CWC22: variants seen among roughly 807,000 people sequenced by gnomAD.
CWC22 encodes the protein pre-mRNA-splicing factor CWC22 homolog.
A neutral mutation model predicts 117.2 loss-of-function variants in CWC22; 53 were observed. The observed-to-expected ratio is 0.45, with a 90% CI of 0.36 to 0.57. The LOEUF is 0.57. Among genes scored for constraint, CWC22 ranks in the 20% least tolerant of loss-of-function variants. The probability of loss-of-function intolerance (pLI) is 0.00; values close to 1 mark genes in which losing one functional copy is unlikely to be tolerated. For missense variants in CWC22, 980 were observed against 1,068.8 expected (o/e 0.92, Z 1.16); for synonymous variants, 360 against 355.6 (o/e 1.01, Z -0.14).
chr2:179,975,920 G>A (rs72960688), intron 6 of CWC22, among the ~76,000 whole-genome samples: 2 of 152,150 alleles, frequency 1.3e-5, no homozygotes, highest in African/African-American at 2.4e-5. Flanking sequence ...AAACTCACAT[G>A]GAACCACAAA....
chr2:180,005,343 C>T (rs994467664), intron 1 of CWC22, among the ~76,000 whole-genome samples: 18 of 152,090 alleles, frequency 1.2e-4, no homozygotes, highest in African/African-American at 3.6e-4. Context: ...TTTGGGAGGC[C>T]GAGGCGGGTG....
intron 2 of CWC22, among the ~76,000 whole-genome samples, chr2:179,992,171 C>T (rs2105554180): frequency 6.6e-6 from 1 of 152,290 alleles, no homozygotes; most frequent in South Asian, 2.1e-4. Context: ...AATACAGTTC[C>T]CCCTTTACTG....
intron 19 of CWC22, among the ~76,000 whole-genome samples, chr2:179,947,653 T>C (rs1198830217): frequency 1.3e-5 from 2 of 152,222 alleles, no homozygotes. Flanking sequence ...AAATGGTGAA[T>C]GTTAAATGAA....
rs1687294967 is a variant in CWC22, at chr2:179,981,847, T to C, written c.357A>G (p.Lys119=). Residue 119 remains lysine (K), a synonymous_variant, in exon 5 of 20, where the codon AAA becomes AAG. Coordinates refer to ENST00000410053, the MANE Select transcript of CWC22 (RefSeq NM_020943.3). The part of the protein sequence containing the change: ...AQDEPATKKK[K]DELDPLLTRT... ...GAGTAAGAAGAGGATCCAGCTCATC[T>C]TTCTTTTTCTTTGTAGCAGGTTCAT... is the stretch of plus-strand genomic sequence containing the variant. 6.2e-7 allele frequency: 1 copy of C among 1,613,848 alleles called. No individual in the cohort carries two copies. The highest frequency in any genetic ancestry group is 1.3e-5 in the African/African-American group (1 of 75,056).
chr2:179,990,715 T>C (rs1265811123), intron 2 of CWC22, among the ~76,000 whole-genome samples: 1 of 152,206 alleles, frequency 6.6e-6, no homozygotes, highest in African/African-American at 2.4e-5. Flanking sequence ...TCTGTACTAA[T>C]GATTTTTAAC....
At chr2:179,953,189 G>A (rs1378017941) in intron 16 of CWC22, among the ~76,000 whole-genome samples, 1 of 151,834 alleles carries the variant, frequency 6.6e-6, no homozygotes, top group Non-Finnish European at 1.5e-5. Context: ...TCTCAAAGAG[G>A]GGAAAAAAGA....
chr2:179,963,335 CTTTTTTTTTT>C (rs774947016), intron 13 of CWC22, among the ~76,000 whole-genome samples: 3 of 82,056 alleles, frequency 3.7e-5, no homozygotes, highest in Non-Finnish European at 6.1e-5. Context: ...ATATTTAATA[CTTTTTTTTTT>C]TTTTTTTTTT....
At chr2:179,997,373 AT>A (rs1174728393) in intron 1 of CWC22, among the ~76,000 whole-genome samples, 6 of 152,158 alleles carry the variant, frequency 3.9e-5, no homozygotes, top group Non-Finnish European at 8.8e-5. Context: ...TTAAAATAGA[AT>A]TTTAAAAAAT....
At chr2:179,974,598 T>C (rs1409562660) in intron 6 of CWC22, among the ~76,000 whole-genome samples, 1 of 152,250 alleles carries the variant, frequency 6.6e-6, no homozygotes, top group South Asian at 2.1e-4. Flanking sequence ...AGCTTATAAA[T>C]TATAGTATCT....
chr2:179,990,903 GA>G (rs2105552517), intron 2 of CWC22, among the ~76,000 whole-genome samples: 1 of 152,302 alleles, frequency 6.6e-6, no homozygotes, highest in South Asian at 2.1e-4. Context: ...ATGAAAGTGG[GA>G]AAACGGGGAC....
At chr2:179,958,891 T>C (rs1454619988) in intron 14 of CWC22, 131 bp downstream of exon 14, 3 of 556,352 alleles carry the variant, frequency 5.4e-6, no homozygotes, top group Non-Finnish European at 9.8e-6. Context: ...TAAAATGATA[T>C]AAAACCTACA....
chr2:179,981,417 T>C (rs937772724), intron 5 of CWC22, among the ~76,000 whole-genome samples: 1 of 152,158 alleles, frequency 6.6e-6, no homozygotes, highest in Non-Finnish European at 1.5e-5. Flanking sequence ...AGTATTACTC[T>C]TTTCTACAAA....
intron 6 of CWC22, among the ~76,000 whole-genome samples, chr2:179,974,184 A>G (rs1687100626): frequency 6.6e-6 from 1 of 152,218 alleles, no homozygotes; most frequent in African/African-American, 2.4e-5. Flanking sequence ...TAAAAGGTAG[A>G]TAACATAAAG....
At chr2:180,002,740 G>A (rs1243503179) in intron 1 of CWC22, among the ~76,000 whole-genome samples, 1 of 152,174 alleles carries the variant, frequency 6.6e-6, no homozygotes, top group African/African-American at 2.4e-5. Flanking sequence ...GAGTCTTAAA[G>A]AACAAGTAGG....
At chr2:179,964,304 G>A (rs1686833000) in intron 13 of CWC22, among the ~76,000 whole-genome samples, 1 of 152,116 alleles carries the variant, frequency 6.6e-6, no homozygotes, top group South Asian at 2.1e-4. Context: ...AAATGATATA[G>A]CTAAAAAACC....
intron 16 of CWC22, among the ~76,000 whole-genome samples, chr2:179,953,300 A>G (rs1686502048): frequency 6.6e-6 from 1 of 152,124 alleles, no homozygotes; most frequent in Non-Finnish European, 1.5e-5. Flanking sequence ...AATCTAACCA[A>G]TGTTTTTAAG....
In CWC22 at chr2:179,954,238, A is replaced by G; in HGVS notation, c.1656T>C (p.Ala552=). 1 of 1,611,966 alleles carries G rather than the reference A, an allele frequency of 6.2e-7. No homozygotes were observed. The highest frequency in any genetic ancestry group is 2.2e-5 in the East Asian group (1 of 44,788). Residue 552 remains alanine (A), a synonymous_variant, in exon 16 of 20, where the codon GCT becomes GCC. Coordinates refer to ENST00000410053, the MANE Select transcript of CWC22 (RefSeq NM_020943.3). Reference sequence around the variant, plus strand: ...GAAGTGAATCAGTGTATAAAAGGTGAGCAAACATCTTAGCAACATTTCGCA... The same window carrying G: ...GAAGTGAATCAGTGTATAAAAGGTGGGCAAACATCTTAGCAACATTTCGCA... ...NKLRNVAKMF[A]HLLYTDSLPW...
At position 179,965,994 on chromosome 2, in the gene CWC22, A is replaced by C. The variant is rs1686879948; in HGVS notation, c.1211-12T>G. 1.3e-6 allele frequency: 2 copies of C among 1,599,392 alleles called. No individual in the cohort carries two copies. Among genetic ancestry groups the C allele is most frequent in the South Asian group, 1.1e-5 (1 of 88,502 alleles). ...CTCATCAAGAATTTCTGTAAAGTAC[A>C]AAGTAAGTTTAGGAAAAAAATGTGC... On this transcript the variant is annotated splice_polypyrimidine_tract_variant and intron_variant, in intron 11 of 19. Coordinates refer to ENST00000410053, the MANE Select transcript of CWC22 (RefSeq NM_020943.3).
Position 179,952,598 on chromosome 2 carries a change from C to A in CWC22, c.1690G>T (p.Val564Phe). Reference sequence around the variant, plus strand: ...TCACTCAGTTTTATACATTCAAGAACCTGAAAATTAAAATAAAAAAAGACA... The same window carrying A: ...TCACTCAGTTTTATACATTCAAGAAACTGAAAATTAAAATAAAAAAAGACA... The part of the protein sequence containing the change: ...LLYTDSLPWS[V>F]LECIKLSEET... Residue 564 changes from valine to phenylalanine, a missense_variant and splice_region_variant, in exon 17 of 20, where the codon GTT becomes TTT. Transcript: ENST00000410053. 1 of 1,403,222 alleles carries A rather than the reference C, an allele frequency of 7.1e-7. No individual in the cohort carries two copies. The highest frequency in any genetic ancestry group is 9.5e-7 in the Non-Finnish European group (1 of 1,053,032). 86.9% of individuals were successfully genotyped at this position (1,403,222 alleles called of 1,614,324 possible).
Sources: gnomAD v4.1 joint callset for allele counts (sites outside exome capture counted in the v4.1 genomes callset) on GRCh38, gnomAD v4.1.1 for gene constraint, MANE v1.5 for transcripts, NCBI Gene and HGNC (gene_info 2026-07-23, HGNC 2026-07-21) for gene names.